Variants in ARID5B observed in about 807,000 individuals in gnomAD.
ARID5B encodes AT-rich interaction domain 5B, also known as AT-rich interactive domain-containing protein 5B.
A neutral mutation model predicts 97.2 loss-of-function variants in ARID5B; 13 were observed. The ratio of observed to expected loss-of-function variants is 0.13; its 90% CI spans 0.09 to 0.21. The LOEUF (loss-of-function observed/expected upper bound fraction) is 0.21, where lower values mean the gene tolerates loss of function less well. Ranked by LOEUF, ARID5B falls within the 10% of genes least tolerant of loss-of-function variation. The probability of loss-of-function intolerance (pLI) is 1.00; values close to 1 mark genes in which losing one functional copy is unlikely to be tolerated. For missense variants in ARID5B, 1,210 were observed against 1,465.3 expected (o/e 0.83, Z 2.84); for synonymous variants, 556 against 570.3 (o/e 0.97, Z 0.36).
intron 2 of ARID5B, among the ~76,000 whole-genome samples, chr10:61,935,217 C>G (rs1336549512): frequency 6.6e-6 from 1 of 151,990 alleles, no homozygotes; most frequent in Non-Finnish European, 1.5e-5. Context: ...CTGTGAAGTG[C>G]AGTAAAGTGA....
chr10:61,999,403 C>T (rs1038553748), intron 3 of ARID5B, among the ~76,000 whole-genome samples: 9 of 152,200 alleles, frequency 5.9e-5, no homozygotes, highest in African/African-American at 1.9e-4. Flanking sequence ...TCCTAGCCTA[C>T]CTTAAACGGG....
At position 61,978,468 on chromosome 10, in the gene ARID5B, G is replaced by A. The variant is rs538346594; in HGVS notation, c.503-21623G>A. Among the ~76,000 whole-genome samples the A allele has an allele frequency of 3.4e-3, 521 of 152,240 alleles. 1 individual carries two copies. Among genetic ancestry groups the A allele is most frequent in the South Asian group, 0.011 (52 of 4,822 alleles). ...CCTTGGGCAGTATGGCCATTTTCAC[G>A]ATATTGATTCTTCCTACCCATGAGC... On this transcript the variant is annotated intron_variant, in intron 3 of 9. Coordinates refer to ENST00000279873, the MANE Select transcript of ARID5B (RefSeq NM_032199.3).
chr10:61,942,145 G>T (rs971979162), intron 3 of ARID5B, among the ~76,000 whole-genome samples: 1 of 152,034 alleles, frequency 6.6e-6, no homozygotes, highest in African/African-American at 2.4e-5. Context: ...TTTATAGCAA[G>T]GTTTATGTTT....
intron 8 of ARID5B, among the ~76,000 whole-genome samples, chr10:62,081,928 G>T (rs77478253): frequency 2.7e-4 from 41 of 152,170 alleles, no homozygotes; most frequent in African/African-American, 9.4e-4. Flanking sequence ...TAATTTAGTG[G>T]CTCAGATGCT....
At chr10:62,022,458 G>A (rs541060121) in intron 4 of ARID5B, among the ~76,000 whole-genome samples, 45 of 152,238 alleles carry the variant, frequency 3.0e-4, no homozygotes, top group Non-Finnish European at 5.9e-4. Context: ...GCAGGAAAGA[G>A]GAGCTGGCCC....
rs71299289 is a variant in ARID5B, at chr10:62,087,298, C to CA, written c.1398+1418dup. Among the ~76,000 whole-genome samples the CA allele has an allele frequency of 5.4e-4, 22 of 40,920 alleles. 2 individuals carry two copies. In the East Asian group the frequency reaches 8.7e-3, roughly 16 times the overall value. The allele number at this position is 40,920 out of a possible 152,430, so 26.8% of individuals were successfully genotyped here. ...TGGGTGACAGAGAGAGACTCTATCT[C>CA]AAAAAAAAAAAAAAAAAAAAGGAAA... On this transcript the variant is annotated intron_variant, in intron 9 of 9. Coordinates refer to ENST00000279873, the MANE Select transcript of ARID5B (RefSeq NM_032199.3).
chr10:61,944,122 A>T (rs886630123), intron 3 of ARID5B, among the ~76,000 whole-genome samples: 6 of 152,170 alleles, frequency 3.9e-5, no homozygotes, highest in Non-Finnish European at 7.4e-5. Context: ...ACCAATGCAA[A>T]TTATGACTTT....
At chr10:62,060,210 A>C (rs1839904760) in intron 7 of ARID5B, among the ~76,000 whole-genome samples, 2 of 152,196 alleles carry the variant, frequency 1.3e-5, no homozygotes, top group African/African-American at 4.8e-5. Context: ...TTTAGCCCAA[A>C]CGTAATAACC....
At chr10:61,961,734 A>ATTTCTTTC (rs200342266) in intron 3 of ARID5B, among the ~76,000 whole-genome samples, 1 of 151,612 alleles carries the variant, frequency 6.6e-6, no homozygotes, top group East Asian at 1.9e-4. Flanking sequence ...ATTCTGGGCA[A>ATTTCTTTC]TTTCTTTCTT....
chr10:62,021,167 A>T (rs1839352836), intron 4 of ARID5B, among the ~76,000 whole-genome samples: 1 of 151,630 alleles, frequency 6.6e-6, no homozygotes, highest in Non-Finnish European at 1.5e-5. Context: ...CTCAGTGCCA[A>T]GTCCCACAAA....
At chr10:62,042,859 G>T (rs993126813) in intron 4 of ARID5B, among the ~76,000 whole-genome samples, 1 of 149,834 alleles carries the variant, frequency 6.7e-6, no homozygotes, top group Non-Finnish European at 1.5e-5. Flanking sequence ...AGCATGCAGT[G>T]AGCCAAGATC....
intron 2 of ARID5B, among the ~76,000 whole-genome samples, chr10:61,920,643 G>A (rs1843998363): frequency 6.6e-6 from 1 of 152,120 alleles, no homozygotes; most frequent in African/African-American, 2.4e-5. Context: ...AAAGGAAGAT[G>A]GGGCTTGGAA....
intron 4 of ARID5B, among the ~76,000 whole-genome samples, chr10:62,045,447 AT>A (rs5785508): frequency 0.86 from 119,917 of 139,640 alleles, 51,712 homozygotes; most frequent in Non-Finnish European, 0.92. Flanking sequence ...TTGCCAGGGT[AT>A]TTTTTTTTTT....
chr10:62,062,573 T>C (rs1043144488), intron 7 of ARID5B, among the ~76,000 whole-genome samples: 1 of 152,136 alleles, frequency 6.6e-6, no homozygotes, highest in Non-Finnish European at 1.5e-5. Flanking sequence ...GTATCAAAGA[T>C]TTTTCTTCAT....
intron 2 of ARID5B, among the ~76,000 whole-genome samples, chr10:61,938,141 A>G (rs1171467858): frequency 6.6e-6 from 1 of 152,236 alleles, no homozygotes; most frequent in Non-Finnish European, 1.5e-5. Context: ...ACTGAATCAT[A>G]AAAGATGGGT....
Position 62,092,045 on chromosome 10 carries a change from T to C in ARID5B, c.2582T>C (p.Met861Thr). The change falls in exon 10 of 10, where the codon ATG becomes ACG. Residue 861 changes from methionine (M) to threonine (T), a missense_variant. Transcript: ENST00000279873. ...EQTSKYPSRD[M>T]YRESENSSFP... ...ACATCCAAATACCCTTCCAGGGACA[T>C]GTACAGGGAATCGGAAAACAGTTCT... The C allele has an allele frequency of 3.7e-6, 6 of 1,614,112 alleles. No homozygotes were observed. In the South Asian group the frequency reaches 6.6e-5, roughly 18 times the overall value.
intron 8 of ARID5B, among the ~76,000 whole-genome samples, chr10:62,072,682 C>T (rs1291803810): frequency 1.3e-5 from 2 of 152,236 alleles, no homozygotes; most frequent in African/African-American, 4.8e-5. Flanking sequence ...CTAGACTCCT[C>T]TCACATCCTT....
intron 2 of ARID5B, among the ~76,000 whole-genome samples, chr10:61,933,158 A>C (rs1240299338): frequency 6.6e-6 from 1 of 152,236 alleles, no homozygotes; most frequent in African/African-American, 2.4e-5. Context: ...CCCTTTCTTT[A>C]CTCATTCATA....
At chr10:61,911,950 C>T (rs948807004) in intron 2 of ARID5B, among the ~76,000 whole-genome samples, 11 of 152,090 alleles carry the variant, frequency 7.2e-5, no homozygotes, top group African/African-American at 1.7e-4. Flanking sequence ...GGTTTCTAAC[C>T]GCCTACCCCA....
Sources: allele counts gnomAD v4.1 joint callset (sites outside exome capture counted in the v4.1 genomes callset), GRCh38; gene constraint gnomAD v4.1.1; transcripts MANE v1.5; gene names NCBI Gene and HGNC (gene_info 2026-07-23, HGNC 2026-07-21).